The following FMNL3 variants were observed in gnomAD, a reference collection of about 807,000 sequenced individuals.
FMNL3 encodes the protein formin like 3, also known as formin-like protein 3.
Under a neutral mutation model 119.6 loss-of-function variants are expected in FMNL3, and 57 were observed. The observed-to-expected ratio is 0.48, with a 90% CI of 0.39 to 0.59. FMNL3 has a LOEUF of 0.59. Among genes scored for constraint, FMNL3 ranks in the 20% least tolerant of loss-of-function variants. The pLI is 0.00. For synonymous variants in FMNL3, 491 were observed against 507.3 expected, an observed-to-expected ratio of 0.97 and a Z score of 0.43; for missense variants, 1,053 against 1,323.5, an observed-to-expected ratio of 0.80 and a Z score of 3.17.
rs1338638580 is a variant in FMNL3 at position 49,643,828 on chromosome 12, G to A, written c.*1987C>T. On this transcript the variant is annotated 3_prime_UTR_variant, in exon 26 of 26. Coordinates refer to ENST00000335154, the MANE Select transcript of FMNL3 (RefSeq NM_175736.5). ...CTACCTGCCTCCCAGGCTATCCACA[G>A]GAACTGAGGAGGTGGGCTCTGGACT... 1.2e-6 allele frequency: 2 copies of A among 1,614,036 alleles called. No homozygotes were observed. The highest frequency in any genetic ancestry group is 3.3e-5 in the Admixed American group (2 of 59,986).
At position 49,651,453 on chromosome 12, in the gene FMNL3, G is replaced by A; in HGVS notation, c.1604-3C>T. 1 of 1,463,956 alleles carries A rather than the reference G, an allele frequency of 6.8e-7. No individual in the cohort carries two copies. The highest frequency in any genetic ancestry group is 9.1e-7 in the Non-Finnish European group (1 of 1,103,610). 90.7% of individuals were successfully genotyped at this position (1,463,956 alleles called of 1,614,324 possible). ...AGGTGGGGCTGGGGGACACTTGTCT[G>A]GGGGAAGAAGAAATGACACAGTGAC... On this transcript the variant is annotated splice_polypyrimidine_tract_variant and splice_region_variant and intron_variant, in intron 14 of 25. Transcript: ENST00000335154.
At chr12:49,648,403 C>G in intron 21 of FMNL3, 50 bp from the exon 22 acceptor site, 1 of 1,567,914 alleles carries the variant, frequency 6.4e-7, no homozygotes, top group South Asian at 1.2e-5. Context: ...GGCATGCTCA[C>G]CTCCCAGCCC....
chr12:49,693,636 G>GTTTTTTTTTTTTTTTT (rs71080198), intron 1 of FMNL3, among the ~76,000 whole-genome samples: 1 of 63,360 alleles, frequency 1.6e-5, no homozygotes, highest in African/African-American at 6.3e-5. Context: ...CCCAATCTTG[G>GTTTTTTTTTTTTTTTT]TTTTTTTTTT....
intron 17 of FMNL3, among the ~76,000 whole-genome samples, chr12:49,650,427 C>A (rs1417982166): frequency 6.6e-6 from 1 of 152,238 alleles, no homozygotes; most frequent in Non-Finnish European, 1.5e-5. Flanking sequence ...TGCCTGTATA[C>A]TTCTACCATC....
At chr12:49,691,069 T>C (rs1944588460) in intron 1 of FMNL3, among the ~76,000 whole-genome samples, 1 of 152,186 alleles carries the variant, frequency 6.6e-6, no homozygotes, top group Admixed American at 6.5e-5. Flanking sequence ...AACTGGGCTT[T>C]GGCATCAGGC....
intron 14 of FMNL3, among the ~76,000 whole-genome samples, 190 bp downstream of exon 14, chr12:49,651,743 T>G (rs575522828): frequency 2.6e-5 from 4 of 152,362 alleles, no homozygotes; most frequent in African/African-American, 9.6e-5. Flanking sequence ...CATCTGCCTT[T>G]GGGCATCCCT....
chr12:49,642,964 A>G lies in FMNL3; in HGVS notation c.*2851T>C. On this transcript the variant is annotated 3_prime_UTR_variant, in exon 26 of 26. Coordinates refer to ENST00000335154, the MANE Select transcript of FMNL3 (RefSeq NM_175736.5). The surrounding 1 kb of genome is among the most constrained non-coding windows in gnomAD (Gnocchi z 5.8). Reference sequence around the variant, plus strand: ...CAGCACCTCCACACCAAAGGCCGAAAGCATGGCAGGAAAGGCAAGAAGCAC... The same window carrying G: ...CAGCACCTCCACACCAAAGGCCGAAGGCATGGCAGGAAAGGCAAGAAGCAC... 1 of 1,613,906 alleles carries G rather than the reference A, an allele frequency of 6.2e-7. No homozygotes were observed. Among genetic ancestry groups the G allele is most frequent in the Non-Finnish European group, 8.5e-7 (1 of 1,179,864 alleles).
At chr12:49,685,514 G>C (rs1944435255) in intron 1 of FMNL3, among the ~76,000 whole-genome samples, 1 of 152,056 alleles carries the variant, frequency 6.6e-6, no homozygotes, top group African/African-American at 2.4e-5. Context: ...GACAAAATGT[G>C]CTAAAGGGCA....
chr12:49,699,960 T>C (rs1944857705), intron 1 of FMNL3, among the ~76,000 whole-genome samples: 1 of 152,348 alleles, frequency 6.6e-6, no homozygotes, highest in East Asian at 1.9e-4. Context: ...AGAAGATATA[T>C]GTCTCAAACG....
chr12:49,671,685 G>C (rs1303141852), intron 1 of FMNL3, among the ~76,000 whole-genome samples: 1 of 152,228 alleles, frequency 6.6e-6, no homozygotes, highest in Non-Finnish European at 1.5e-5. Context: ...ACAACTTCCT[G>C]AGTTCCGGGG....
At chr12:49,680,072 A>C (rs1034108800) in intron 1 of FMNL3, among the ~76,000 whole-genome samples, 2 of 152,230 alleles carry the variant, frequency 1.3e-5, no homozygotes, top group African/African-American at 4.8e-5. Context: ...TTTGCCTTGA[A>C]TACACTTGTT....
chr12:49,707,349 C>T lies in FMNL3; in HGVS notation c.-169G>A, dbSNP rs1945079148. 1 of 521,126 alleles carries T rather than the reference C, an allele frequency of 1.9e-6. No individual in the cohort carries two copies. The highest frequency in any genetic ancestry group is 3.6e-5 in the East Asian group (1 of 27,870). The allele number at this position is 521,126 out of a possible 1,614,324, so 32.3% of individuals were successfully genotyped here. A position where few individuals can be genotyped will look rare whatever the true frequency, so the allele number is the denominator to read the frequency against. On this transcript the variant is annotated 5_prime_UTR_variant, in exon 1 of 26. Transcript: ENST00000335154. ...CTGGAGTCCCGCTGGCGGGGGCGCG[C>T]GGCGAGGGCGGAGGCAGCGTAGCGG... is the stretch of plus-strand genomic sequence containing the variant.
At position 49,707,175 on chromosome 12, in the gene FMNL3, G is replaced by C; in HGVS notation, c.6C>G (p.Gly2=). 1 of 1,554,812 alleles carries C rather than the reference G, an allele frequency of 6.4e-7. No homozygotes were observed. The highest frequency in any genetic ancestry group is 1.2e-5 in the South Asian group (1 of 83,512). M[G]NLESAEGVPG... The stretch of plus-strand genomic sequence containing the variant: ...GGACCCCCTCGGCGCTCTCCAGGTT[G>C]CCCATCGCGGCGGGGCCCCCTCAGG... Residue 2 remains glycine (G), a synonymous_variant, in exon 1 of 26, where the codon GGC becomes GGG. Coordinates refer to ENST00000335154, the MANE Select transcript of FMNL3 (RefSeq NM_175736.5).
intron 17 of FMNL3, 24 bp downstream of exon 17, chr12:49,650,652 G>A: frequency 6.2e-7 from 1 of 1,611,690 alleles, no homozygotes; most frequent in Non-Finnish European, 8.5e-7. Context: ...CTAGGGACCA[G>A]AGCCAGGTCA....
chr12:49,687,196 T>C (rs1176051571), intron 1 of FMNL3, among the ~76,000 whole-genome samples: 1 of 151,504 alleles, frequency 6.6e-6, no homozygotes, highest in Non-Finnish European at 1.5e-5. Context: ...TGGGTTCAAG[T>C]GATTCTGCTG....
At chr12:49,701,124 CAAATGAGAAAATGCTTAAAATAGT>C (rs920597730) in intron 1 of FMNL3, among the ~76,000 whole-genome samples, 12 of 148,710 alleles carry the variant, frequency 8.1e-5, no homozygotes, top group Non-Finnish European at 1.2e-4. Flanking sequence ...AATATATAAG[CAAATGAGAAAATGCTTAAAATAGT>C]AAATGAACAA....
In FMNL3 at chr12:49,642,394, C is replaced by T. The variant is rs1942796564; in HGVS notation, c.*3421G>A. ...AGAGGTCAGGAGCGTAGCCTGGCCC[C>T]AAGCACCCCTCAAGCCTGAGGGCAG... On this transcript the variant is annotated 3_prime_UTR_variant, in exon 26 of 26. Transcript: ENST00000335154. This position sits in a 1 kb window ranked among gnomAD's most constrained non-coding sequence, Gnocchi z 5.8. The T allele has an allele frequency of 6.2e-7, 1 of 1,612,106 alleles. No individual in the cohort carries two copies. Among genetic ancestry groups the T allele is most frequent in the African/African-American group, 1.3e-5 (1 of 74,922 alleles).
At chr12:49,672,924 C>T (rs575381612) in intron 1 of FMNL3, among the ~76,000 whole-genome samples, 4 of 152,302 alleles carry the variant, frequency 2.6e-5, no homozygotes, top group South Asian at 2.1e-4. Flanking sequence ...GGAACAGAGA[C>T]CAAAATGGCA....
At chr12:49,665,002 C>T (rs975188055) in intron 4 of FMNL3, among the ~76,000 whole-genome samples, 3 of 152,004 alleles carry the variant, frequency 2.0e-5, no homozygotes, top group Admixed American at 6.5e-5. Context: ...AGGTCTATAC[C>T]CCTGCCTGCA....
Sources: gnomAD v4.1 joint callset for allele counts (sites outside exome capture counted in the v4.1 genomes callset) on GRCh38, gnomAD v4.1.1 for gene constraint, Gnocchi (gnomAD v3.1) non-coding constraint, MANE v1.5 for transcripts, NCBI Gene and HGNC (gene_info 2026-07-23, HGNC 2026-07-21) for gene names.